Variants in CECR2 observed in about 807,000 individuals in gnomAD.
The protein encoded by CECR2 is CECR2 histone acetyl-lysine reader.
CECR2 carries 30 observed loss-of-function variants against 154.5 expected under a neutral mutation model. The ratio of observed to expected loss-of-function variants is 0.19; its 90% CI spans 0.15 to 0.26. The LOEUF (loss-of-function observed/expected upper bound fraction) is 0.26. Among genes scored for constraint, CECR2 ranks in the 10% least tolerant of loss-of-function variants. The pLI is 1.00. For synonymous variants in CECR2, 725 were observed against 683.7 expected, an observed-to-expected ratio of 1.06 and a Z score of -0.94; for missense variants, 1,743 against 1,829.3, an observed-to-expected ratio of 0.95 and a Z score of 0.86.
At chr22:17,479,627 T>A (rs1012121575) in intron 2 of CECR2, among the ~76,000 whole-genome samples, 1 of 152,184 alleles carries the variant, frequency 6.6e-6, no homozygotes, top group Non-Finnish European at 1.5e-5. Flanking sequence ...CTAATTCTGC[T>A]TGTTTGTTCT....
At chr22:17,489,535 A>G (rs1163967657) in intron 2 of CECR2, among the ~76,000 whole-genome samples, 1 of 152,178 alleles carries the variant, frequency 6.6e-6, no homozygotes, top group East Asian at 1.9e-4. Context: ...AGCCCACTGC[A>G]GCCTCGACCT....
intron 17 of CECR2, among the ~76,000 whole-genome samples, 179 bp downstream of exon 17, chr22:17,549,743 C>T (rs1386742809): frequency 6.7e-6 from 1 of 149,382 alleles, no homozygotes; most frequent in East Asian, 2.0e-4. Context: ...GTTTAAGTAA[C>T]TGGGACTACA....
chr22:17,477,109 A>C (rs145359829), intron 1 of CECR2: 2 of 723,514 alleles, frequency 2.8e-6, no homozygotes, highest in African/African-American at 3.5e-5. Flanking sequence ...AATGCCATTC[A>C]AAATACAGTG....
intron 2 of CECR2, among the ~76,000 whole-genome samples, chr22:17,490,242 T>C (rs1031581007): frequency 2.0e-5 from 3 of 151,946 alleles, no homozygotes; most frequent in Non-Finnish European, 4.4e-5. Context: ...GTTGTGCCCA[T>C]TTTGTCTCAT....
At chr22:17,497,674 G>A in intron 3 of CECR2, 88 bp downstream of exon 3, 1 of 1,339,214 alleles carries the variant, frequency 7.5e-7, no homozygotes, top group Non-Finnish European at 1.1e-6. Flanking sequence ...AAGATACTAA[G>A]CCAGAGTTTG....
intron 18 of CECR2, 61 bp from the exon 19 acceptor site, chr22:17,552,774 G>GTTTGTTTTTTTTTTT: frequency 1.1e-6 from 1 of 933,470 alleles, no homozygotes; most frequent in Non-Finnish European, 1.5e-6. Context: ...GCTTACTTAA[G>GTTTGTTTTTTTTTTT]TTTTTTTTTT....
chr22:17,501,927 A>AT (rs1165426143), intron 5 of CECR2, among the ~76,000 whole-genome samples: 1 of 151,512 alleles, frequency 6.6e-6, no homozygotes, highest in Non-Finnish European at 1.5e-5. Context: ...GTATTTAAAT[A>AT]TTTTTTCATT....
Position 17,397,361 on chromosome 22 carries a change from A to C in CECR2, c.126+27452A>C, listed in dbSNP as rs2053827021. On this transcript the variant is annotated intron_variant, in intron 1 of 18. Coordinates refer to ENST00000262608, the MANE Select transcript of CECR2 (RefSeq NM_001290047.2). Reference sequence around the variant, plus strand: ...CAGCCAGGCTGGTCTCGAACTCCTGACCTTAGGTGATCCACCCGCCTTCGC... The same window carrying C: ...CAGCCAGGCTGGTCTCGAACTCCTGCCCTTAGGTGATCCACCCGCCTTCGC... Among the ~76,000 whole-genome samples, 7 of 151,998 alleles carry C rather than the reference A, an allele frequency of 4.6e-5. No individual in the cohort carries two copies. The South Asian group carries it at 1.5e-3, about 31-fold the overall frequency.
Position 17,542,635 on chromosome 22 carries a change from C to T in CECR2, c.2492C>T (p.Pro831Leu). Residue 831 changes from proline to leucine, a missense_variant, in exon 16 of 19, where the codon CCT (proline) becomes CTT (leucine). Physicochemically the swap from Pro to Leu is moderately conservative, Grantham distance 98 (BLOSUM62 -3). Transcript: ENST00000262608. ...NQWTEQSGFL[P>L]HGVPSSGYMR... is the part of the protein sequence containing the mutation. ...TGGACTGAACAATCAGGCTTCCTAC[C>T]TCATGGAGTTCCTTCCTCAGGGTAC... The T allele has an allele frequency of 6.2e-7, 1 of 1,614,032 alleles. No homozygotes were observed. Among genetic ancestry groups the T allele is most frequent in the Non-Finnish European group, 8.5e-7 (1 of 1,179,898 alleles).
chr22:17,545,891 G>A (rs10433290), intron 16 of CECR2, among the ~76,000 whole-genome samples: 20,279 of 151,208 alleles, frequency 0.13, 1,775 homozygotes, highest in Non-Finnish European at 0.19. Flanking sequence ...TTGATGGTAG[G>A]GTTAGAACTC....
In CECR2 at chr22:17,541,948, G is replaced by A. The variant is rs144027854; in HGVS notation, c.1994G>A (p.Arg665His). 952 of 1,613,738 alleles carry A rather than the reference G, an allele frequency of 5.9e-4. 7 individuals carry two copies. The East Asian group carries it at 9.7e-3, about 16-fold the overall frequency. Residue 665 changes from arginine to histidine, a missense_variant, in exon 15 of 19, where the codon CGT becomes CAT. Arg to His is a conservative substitution (Grantham distance 29, BLOSUM62 0). Coordinates refer to ENST00000262608, the MANE Select transcript of CECR2 (RefSeq NM_001290047.2). ...CACCCCGGGGAGCCTGTGCAGCAGC[G>A]TCAGCCTTTCACCATGCAGGTAAGC... ...EPHPGEPVQQ[R>H]QPFTMQPPVG...
intron 1 of CECR2, among the ~76,000 whole-genome samples, chr22:17,448,355 T>G (rs1403918844): frequency 6.6e-6 from 1 of 152,206 alleles, no homozygotes; most frequent in African/African-American, 2.4e-5. Flanking sequence ...AATTCTTTTA[T>G]CATTAAGTTT....
intron 1 of CECR2, among the ~76,000 whole-genome samples, chr22:17,370,200 C>T (rs1158269064): frequency 6.6e-6 from 1 of 150,658 alleles, no homozygotes; most frequent in African/African-American, 2.4e-5. Context: ...GGAGCGGGAC[C>T]CGGCGACCCT....
At chr22:17,368,720 GC>G (rs1443847271), upstream of CECR2, among the ~76,000 whole-genome samples, 4 of 152,142 alleles carry the variant, frequency 2.6e-5, no homozygotes, top group Non-Finnish European at 5.9e-5. Context: ...TCTTTCAGCG[GC>G]CGGGCAGTAG....
At chr22:17,467,920 A>G (rs945376940) in intron 1 of CECR2, among the ~76,000 whole-genome samples, 1 of 152,190 alleles carries the variant, frequency 6.6e-6, no homozygotes, top group Non-Finnish European at 1.5e-5. Flanking sequence ...TGAGACCATG[A>G]GCTGATGTGA....
intron 17 of CECR2, chr22:17,550,244 T>G (rs1454854468): frequency 6.1e-6 from 1 of 162,688 alleles, no homozygotes; most frequent in Non-Finnish European, 1.4e-5. Flanking sequence ...GCCTCCCAGG[T>G]TCAAGCGATT....
intron 8 of CECR2, among the ~76,000 whole-genome samples, chr22:17,515,932 C>T (rs2056044653): frequency 6.6e-6 from 1 of 152,210 alleles, no homozygotes; most frequent in African/African-American, 2.4e-5. Flanking sequence ...GCCTTAGCCT[C>T]CCAAAGTGCT....
chr22:17,374,874 C>T (rs1337154854), intron 1 of CECR2, among the ~76,000 whole-genome samples: 1 of 152,094 alleles, frequency 6.6e-6, no homozygotes, highest in Non-Finnish European at 1.5e-5. Flanking sequence ...CACAGGGACT[C>T]TCACCTGGAT....
At chr22:17,395,670 G>T (rs762455956) in intron 1 of CECR2, among the ~76,000 whole-genome samples, 5 of 152,018 alleles carry the variant, frequency 3.3e-5, no homozygotes, top group Non-Finnish European at 7.4e-5. Context: ...AAATACTTAA[G>T]CACGCATTGA....
Sources: allele counts gnomAD v4.1 joint callset (sites outside exome capture counted in the v4.1 genomes callset), GRCh38; gene constraint gnomAD v4.1.1; transcripts MANE v1.5; gene names NCBI Gene and HGNC (gene_info 2026-07-23, HGNC 2026-07-21).